CDKL5: variants seen among roughly 807,000 people sequenced by gnomAD.
The protein encoded by CDKL5 is cyclin-dependent kinase-like 5.
A neutral mutation model predicts 61.7 loss-of-function variants in CDKL5; 8 were observed. That is an observed-to-expected ratio of 0.13 (90% CI 0.08 to 0.23). CDKL5 has a LOEUF of 0.23. Among genes scored for constraint, CDKL5 ranks in the 10% least tolerant of loss-of-function variants. The pLI, the probability that CDKL5 is intolerant of heterozygous loss-of-function variation, is 1.00. For synonymous variants in CDKL5, 275 were observed against 272.3 expected (o/e 1.01, Z -0.10); for missense variants, 440 against 734.5 (o/e 0.60, Z 4.63).
At chrX:18,557,992 G>T (rs1220313447) in intron 3 of CDKL5, among the ~76,000 whole-genome samples, 3 of 109,950 alleles carry the variant, frequency 2.7e-5, no homozygotes, top group Non-Finnish European at 5.7e-5. Flanking sequence ...TTTTTTTCCA[G>T]CTGGGGAAAT....
At chrX:18,561,347 C>G (rs1924798001) in intron 3 of CDKL5, among the ~76,000 whole-genome samples, 1 of 109,628 alleles carries the variant, frequency 9.1e-6, no homozygotes, top group Non-Finnish European at 1.9e-5. Context: ...TCTGGCTGAG[C>G]TAAACATGAA....
intron 3 of CDKL5, among the ~76,000 whole-genome samples, chrX:18,518,626 G>A (rs1786500026): frequency 1.9e-5 from 2 of 107,811 alleles, no homozygotes; most frequent in Non-Finnish European, 3.8e-5. Context: ...GGATGATCTC[G>A]ATCTCTTGAC....
chrX:18,623,871 T>C (rs745436697), intron 16 of CDKL5: 52 of 737,019 alleles, frequency 7.1e-5, no homozygotes, highest in Non-Finnish European at 8.0e-5. Context: ...TTGTATCTTA[T>C]ATTGCAGACA....
At chrX:18,600,027 G>T (rs1268607316) in intron 11 of CDKL5, among the ~76,000 whole-genome samples, 1 of 111,246 alleles carries the variant, frequency 9.0e-6, no homozygotes, top group Non-Finnish European at 1.9e-5. Context: ...AGAATTCCTG[G>T]GCTCAAGCGA....
At chrX:18,565,728 T>G (rs1924948473) in intron 4 of CDKL5, among the ~76,000 whole-genome samples, 1 of 112,540 alleles carries the variant, frequency 8.9e-6, no homozygotes, top group African/African-American at 3.2e-5. Context: ...GATGTGCTAG[T>G]TATATGAAAC....
intron 1 of CDKL5, among the ~76,000 whole-genome samples, chrX:18,435,051 G>T (rs1039413531): frequency 3.6e-5 from 4 of 112,142 alleles, no homozygotes; most frequent in African/African-American, 1.3e-4. Context: ...GATAAAAAAA[G>T]GTGGTGAGTA....
At chrX:18,589,817 A>G (rs1414464914) in intron 9 of CDKL5, 1 of 112,400 alleles carries the variant, frequency 8.9e-6, no homozygotes, top group East Asian at 2.8e-4. Context: ...TGACTTTTTA[A>G]TGATCACCAT....
chrX:18,647,953 A>C (rs1927855853), intron 20 of CDKL5, among the ~76,000 whole-genome samples: 1 of 111,496 alleles, frequency 9.0e-6, no homozygotes, highest in Non-Finnish European at 1.9e-5. Context: ...GCTAAAAGGA[A>C]CTGCTTTTTC....
intron 16 of CDKL5, among the ~76,000 whole-genome samples, chrX:18,622,085 G>C (rs949148686): frequency 7.2e-5 from 8 of 111,851 alleles, no homozygotes; most frequent in African/African-American, 2.6e-4. Context: ...GTTTACTGTA[G>C]AGCAACATTA....
chrX:18,552,032 G>A (rs1424521011), intron 3 of CDKL5, among the ~76,000 whole-genome samples: 2 of 107,045 alleles, frequency 1.9e-5, no homozygotes, highest in African/African-American at 6.8e-5. Flanking sequence ...AAGGTCAGGA[G>A]TTTGAGACAA....
At chrX:18,503,687 A>G (rs184543675) in intron 1 of CDKL5, among the ~76,000 whole-genome samples, 1 of 111,972 alleles carries the variant, frequency 8.9e-6, no homozygotes, top group African/African-American at 3.2e-5. Flanking sequence ...CATACATTTT[A>G]TTCATTTATT....
chrX:18,483,691 A>G (rs1026402266), intron 1 of CDKL5, among the ~76,000 whole-genome samples: 2 of 110,465 alleles, frequency 1.8e-5, no homozygotes, highest in Non-Finnish European at 3.8e-5. Flanking sequence ...AAGTGTTGGG[A>G]TTACAGGTGT....
At chrX:18,563,706 A>G in intron 3 of CDKL5, among the ~76,000 whole-genome samples, 1 of 111,923 alleles carries the variant, frequency 8.9e-6, no homozygotes, top group African/African-American at 3.2e-5. Flanking sequence ...AGGCTTTTAT[A>G]TGACATGTTG....
chrX:18,618,854 A>G (rs1926799633), intron 15 of CDKL5, among the ~76,000 whole-genome samples: 1 of 110,914 alleles, frequency 9.0e-6, no homozygotes, highest in African/African-American at 3.3e-5. Flanking sequence ...CTATAATTTC[A>G]GCTACTTGGG....
chrX:18,589,578 G>A (rs190047479), intron 9 of CDKL5: 2 of 111,606 alleles, frequency 1.8e-5, no homozygotes, highest in East Asian at 5.6e-4. Flanking sequence ...CTTTGCTATT[G>A]TGAATAGTGC....
intron 3 of CDKL5, among the ~76,000 whole-genome samples, chrX:18,514,217 A>G (rs1922928036): frequency 9.0e-6 from 1 of 111,584 alleles, no homozygotes; most frequent in Admixed American, 9.6e-5. Flanking sequence ...TTCCTAATTT[A>G]CTGAAATTAA....
In CDKL5 at chrX:18,604,793, G is replaced by C. The variant is rs754311008; in HGVS notation, c.1869G>C (p.Lys623Asn). 1.7e-6 allele frequency: 2 copies of C among 1,209,743 alleles called. No individual in the cohort carries two copies. The highest frequency in any genetic ancestry group is 2.2e-6 in the Non-Finnish European group (2 of 895,054). Residue 623 changes from lysine to asparagine, a missense_variant, in exon 12 of 18, where the codon AAG (lysine) becomes AAC (asparagine). Coordinates refer to ENST00000623535, the MANE Select transcript of CDKL5 (RefSeq NM_001323289.2). ...TGACCCGTGACAAAGTGAGAGCCAA[G>C]GGCTTGGATGGAAGCTTGAGCATAG... is the stretch of plus-strand genomic sequence containing the variant. ...MYVTRDKVRA[K>N]GLDGSLSIGQ...
intron 9 of CDKL5, among the ~76,000 whole-genome samples, chrX:18,594,170 C>T (rs931881777): frequency 8.9e-6 from 1 of 111,857 alleles, no homozygotes; most frequent in Non-Finnish European, 1.9e-5. Flanking sequence ...TTAGGGATTT[C>T]GGTACTTAGA....
intron 3 of CDKL5, among the ~76,000 whole-genome samples, chrX:18,544,403 G>GT (rs1176761378): frequency 8.9e-6 from 1 of 112,265 alleles, no homozygotes; most frequent in Non-Finnish European, 1.9e-5. Context: ...TGGTGATACT[G>GT]TTTTTTTAAC....
Sources: allele counts gnomAD v4.1 joint callset (sites outside exome capture counted in the v4.1 genomes callset), GRCh38; gene constraint gnomAD v4.1.1; transcripts MANE v1.5; gene names NCBI Gene and HGNC (gene_info 2026-07-23, HGNC 2026-07-21).